TMEM161B: variants seen among roughly 807,000 people sequenced by gnomAD.
TMEM161B encodes transmembrane protein 161B.
In TMEM161B, 34 loss-of-function variants were observed where a neutral mutation model predicts 61.8. The observed-to-expected ratio is 0.55, with a 90% confidence interval of 0.42 to 0.73. TMEM161B has a LOEUF of 0.73. Ranked by LOEUF, TMEM161B falls within the 30% of genes least tolerant of loss-of-function variation. The probability of loss-of-function intolerance (pLI) is 0.00; values close to 1 mark genes in which losing one functional copy is unlikely to be tolerated. For synonymous variants in TMEM161B, 167 were observed against 192.8 expected (o/e 0.87, Z 1.11); for missense variants, 456 against 558.5 (o/e 0.82, Z 1.85).
At chr5:88,230,372 A>G (rs1003533042) in intron 2 of TMEM161B, among the ~76,000 whole-genome samples, 3 of 152,182 alleles carry the variant, frequency 2.0e-5, no homozygotes, top group Non-Finnish European at 4.4e-5. Context: ...TACAGATGAA[A>G]CAAGTTTGGC....
At chr5:88,259,568 T>C (rs1755433573) in intron 1 of TMEM161B, among the ~76,000 whole-genome samples, 2 of 152,204 alleles carry the variant, frequency 1.3e-5, no homozygotes, top group Admixed American at 1.3e-4. Context: ...GAAGTGCATC[T>C]TCAGGCCTAA....
intron 9 of TMEM161B, 89 bp downstream of exon 9, chr5:88,202,873 G>T (rs1744682236): frequency 1.1e-6 from 1 of 894,786 alleles, no homozygotes; most frequent in East Asian, 2.4e-5. Flanking sequence ...ACAGTGTCCT[G>T]ATTTTATCAC....
chr5:88,229,460 A>T (rs900604291), intron 2 of TMEM161B, among the ~76,000 whole-genome samples: 1 of 148,696 alleles, frequency 6.7e-6, no homozygotes, highest in Non-Finnish European at 1.5e-5. Context: ...TTACTCATCA[A>T]ATCCATCTGA....
chr5:88,265,071 C>T (rs1289363343), intron 1 of TMEM161B, among the ~76,000 whole-genome samples: 3 of 151,684 alleles, frequency 2.0e-5, no homozygotes, highest in Non-Finnish European at 2.9e-5. Context: ...CTGTATGTTC[C>T]GTACATGTAT....
chr5:88,243,162 C>G (rs1480644550), intron 1 of TMEM161B, among the ~76,000 whole-genome samples: 1 of 151,554 alleles, frequency 6.6e-6, no homozygotes, highest in Non-Finnish European at 1.5e-5. Flanking sequence ...TCACAGTGGT[C>G]TGGGGTACAA....
intron 2 of TMEM161B, among the ~76,000 whole-genome samples, chr5:88,237,932 C>T (rs571506962): frequency 2.0e-5 from 3 of 152,116 alleles, no homozygotes; most frequent in Admixed American, 6.6e-5. Flanking sequence ...CTCATTAAGT[C>T]GACATACAAT....
intron 5 of TMEM161B, among the ~76,000 whole-genome samples, chr5:88,210,844 T>A (rs1424471601): frequency 1.3e-5 from 2 of 152,112 alleles, no homozygotes. Context: ...GAGCTTCCAA[T>A]CAGCTTTTAG....
chr5:88,202,622 A>C (rs575865042), intron 9 of TMEM161B: 2 of 238,690 alleles, frequency 8.4e-6, no homozygotes, highest in African/African-American at 2.3e-5. Context: ...TTTTTCCTCC[A>C]TAATTTTCAA....
intron 1 of TMEM161B, among the ~76,000 whole-genome samples, chr5:88,249,950 G>A (rs1459859555): frequency 6.6e-6 from 1 of 152,142 alleles, no homozygotes; most frequent in Non-Finnish European, 1.5e-5. Context: ...CCACAACAAA[G>A]TTTTAACTAA....
chr5:88,225,900 G>A (rs1386116452), intron 3 of TMEM161B, 34 bp from the exon 4 acceptor site: 17 of 1,386,744 alleles, frequency 1.2e-5, no homozygotes, highest in Non-Finnish European at 1.3e-5. Flanking sequence ...CAAAAAACAA[G>A]TTACCTACAC....
At chr5:88,241,843 A>G (rs1342498917) in intron 1 of TMEM161B, among the ~76,000 whole-genome samples, 1 of 151,740 alleles carries the variant, frequency 6.6e-6, no homozygotes, top group Admixed American at 6.6e-5. Context: ...TACAGGAAAA[A>G]TAGATACAAT....
chr5:88,188,413 G>A (rs911288190), downstream of TMEM161B, among the ~76,000 whole-genome samples: 2 of 152,004 alleles, frequency 1.3e-5, no homozygotes, highest in African/African-American at 4.8e-5. Flanking sequence ...AATGTGCCTG[G>A]TCGTCTTTTT....
chr5:88,203,022 A>G lies in TMEM161B; in HGVS notation c.854T>C (p.Val285Ala). The change falls in exon 9 of 12, where the codon GTA (valine) becomes GCA (alanine). Residue 285 changes from valine to alanine, a missense_variant. This residue lies in a region of TMEM161B where 367 missense variants were observed against 427.3 expected (regional missense o/e 0.86). Coordinates refer to ENST00000296595, the MANE Select transcript of TMEM161B (RefSeq NM_153354.5). ...AATGTAGTCTTTGGTGATTGGTTTT[A>G]CCCAGAGCAGAACCATAAATAAAGG... ...LAPLFMVLLW[V>A]KPITKDYIMN... 1 of 1,611,950 alleles carries G rather than the reference A, an allele frequency of 6.2e-7. No homozygotes were observed. Among genetic ancestry groups the G allele is most frequent in the Non-Finnish European group, 8.5e-7 (1 of 1,178,324 alleles).
At chr5:88,265,311 A>G (rs1249627733) in intron 1 of TMEM161B, among the ~76,000 whole-genome samples, 2 of 152,168 alleles carry the variant, frequency 1.3e-5, no homozygotes, top group Non-Finnish European at 2.9e-5. Flanking sequence ...GTTTCATGGA[A>G]GACGATTTTT....
Position 88,196,391 on chromosome 5 carries a change from A to G in TMEM161B, c.1284T>C (p.Ala428=). The change falls in exon 12 of 12, where the codon GCT becomes GCC. Residue 428 remains alanine (A), a synonymous_variant. Transcript: ENST00000296595. ...TAACAGTTACCTTCATTTTCCCTTC[A>G]GCTGATGGTAATTCAGAGTAAACAG... ...SNSVYSELPS[A]EGKMKVTVTQ... The G allele has an allele frequency of 5.0e-6, 8 of 1,613,466 alleles. No individual in the cohort carries two copies. The highest frequency in any genetic ancestry group is 6.8e-6 in the Non-Finnish European group (8 of 1,179,564).
chr5:88,239,398 C>G lies in TMEM161B; in HGVS notation c.107+1415G>C, dbSNP rs190329964. 8.9e-4 allele frequency among the ~76,000 whole-genome samples: 136 copies of G among 152,014 alleles called. 1 individual carries two copies. The highest frequency in any genetic ancestry group is 1.5e-3 in the Non-Finnish European group (105 of 67,892). On this transcript the variant is annotated intron_variant, in intron 2 of 11. Transcript: ENST00000296595. ...TGTATGTTACTTAGTTTACTGAGAC[C>G]CTTTTTACTTCAAATTAATGATAAT...
At chr5:88,206,239 G>A (rs1263759364) in intron 7 of TMEM161B, among the ~76,000 whole-genome samples, 200 bp downstream of exon 7, 1 of 151,994 alleles carries the variant, frequency 6.6e-6, no homozygotes, top group Non-Finnish European at 1.5e-5. Context: ...AGGAATTTAA[G>A]AAATGCAAAT....
Position 88,196,160 on chromosome 5 carries a change from G to C in TMEM161B, c.*51C>G, listed in dbSNP as rs1253983528. The C allele has an allele frequency of 1.3e-6, 2 of 1,543,052 alleles. No individual in the cohort carries two copies. Among genetic ancestry groups the C allele is most frequent in the Non-Finnish European group, 1.7e-6 (2 of 1,151,396 alleles). ...TTTTCATCAGCCCTTTAAGGGCACA[G>C]ATATTTTAATTTAAAGGGTGATTTG... On this transcript the variant is annotated 3_prime_UTR_variant, in exon 12 of 12. Coordinates refer to ENST00000296595, the MANE Select transcript of TMEM161B (RefSeq NM_153354.5).
At chr5:88,221,126 T>G (rs553777317) in intron 4 of TMEM161B, among the ~76,000 whole-genome samples, 135 of 152,360 alleles carry the variant, frequency 8.9e-4, no homozygotes, top group Non-Finnish European at 1.5e-3. Flanking sequence ...ACAATTTAGT[T>G]ATACTGTTCA....
Sources: allele counts gnomAD v4.1 joint callset (sites outside exome capture counted in the v4.1 genomes callset), GRCh38; gene constraint gnomAD v4.1.1; regional missense constraint gnomAD v4.1.1; transcripts MANE v1.5; gene names NCBI Gene and HGNC (gene_info 2026-07-23, HGNC 2026-07-21).